ZNF568: variants seen among roughly 807,000 people sequenced by gnomAD.
The protein encoded by ZNF568 is zinc finger protein 568, also known as p53 inhibitor of SCO2 activation.
A neutral mutation model predicts 18.1 loss-of-function variants in ZNF568; 11 were observed. The observed-to-expected ratio is 0.61, with a 90% CI of 0.38 to 1.00. The LOEUF (loss-of-function observed/expected upper bound fraction) is 1.00, where lower values mean the gene tolerates loss of function less well. Among genes scored for constraint, ZNF568 ranks in the 50% least tolerant of loss-of-function variants. The pLI, the probability that ZNF568 is intolerant of heterozygous loss-of-function variation, is 0.01. For synonymous variants in ZNF568, 213 were observed against 246.6 expected, an observed-to-expected ratio of 0.86 and a Z score of 1.28; for missense variants, 639 against 768.2, an observed-to-expected ratio of 0.83 and a Z score of 1.99.
chr19:36,979,512 A>G (rs2146339682), exon 8 of ZNF568: 1 of 152,230 alleles, frequency 6.6e-6, no homozygotes, highest in African/African-American at 2.4e-5. Context: ...TCTTAACCAT[A>G]TGTGTTTATT....
intron 3 of ZNF568, among the ~76,000 whole-genome samples, chr19:36,923,755 A>T (rs932869962): frequency 6.6e-6 from 1 of 151,904 alleles, no homozygotes; most frequent in African/African-American, 2.4e-5. Context: ...ATTCGGTTTT[A>T]TGTTTTTCAG....
intron 4 of ZNF568, among the ~76,000 whole-genome samples, chr19:36,935,550 A>G (rs933848197): frequency 1.0e-4 from 13 of 124,484 alleles, no homozygotes; most frequent in East Asian, 8.1e-4. Flanking sequence ...ACAGACTGAG[A>G]CTCTGTATCA....
At chr19:36,975,436 A>T (rs545971447) in intron 7 of ZNF568, among the ~76,000 whole-genome samples, 5 of 151,034 alleles carry the variant, frequency 3.3e-5, no homozygotes, top group Non-Finnish European at 5.9e-5. Flanking sequence ...GCCAGTTAGG[A>T]GTGCAGTGGT....
At chr19:36,966,125 A>T (rs2074192638) in intron 6 of ZNF568, among the ~76,000 whole-genome samples, 1 of 152,086 alleles carries the variant, frequency 6.6e-6, no homozygotes, top group Admixed American at 6.5e-5. Flanking sequence ...TCTCTACTAA[A>T]AAATATAAAA....
At chr19:36,982,690 G>A (rs7247853), downstream of ZNF568, among the ~76,000 whole-genome samples, 6,766 of 152,166 alleles carry the variant, frequency 0.044, 211 homozygotes, top group East Asian at 0.078. Context: ...TGGGTGACAA[G>A]AGCAAAATTC....
intron 6 of ZNF568, among the ~76,000 whole-genome samples, chr19:36,969,279 A>G (rs1003224804): frequency 6.6e-6 from 1 of 152,194 alleles, no homozygotes; most frequent in African/African-American, 2.4e-5. Context: ...GACATACCCA[A>G]AGACCCCACT....
intron 6 of ZNF568, among the ~76,000 whole-genome samples, chr19:36,941,875 C>T (rs2073884289): frequency 6.6e-6 from 1 of 152,026 alleles, no homozygotes; most frequent in African/African-American, 2.4e-5. Context: ...GTGCTGTGCT[C>T]TGACCTCACA....
At chr19:36,927,897 ATATATATTTTTTTTTTTTTTTT>A (rs2073604658) in intron 4 of ZNF568, among the ~76,000 whole-genome samples, 7 of 24,722 alleles carry the variant, frequency 2.8e-4, no homozygotes, top group South Asian at 1.4e-3. Flanking sequence ...TTATATATAT[ATATATATTTTTTTTTTTTTTTT>A]TTTTTTTTTT....
intron 6 of ZNF568, among the ~76,000 whole-genome samples, chr19:36,966,226 C>T (rs368056032): frequency 6.6e-6 from 1 of 151,998 alleles, no homozygotes. Context: ...GTGGAGGTTG[C>T]GGTGAGCCGA....
At chr19:36,996,779 G>A in exon 5 of ZNF568, 6 of 1,551,528 alleles carry the variant, frequency 3.9e-6, no homozygotes, top group Middle Eastern at 1.7e-4. Context: ...ATTAATACTG[G>A]AGAGAAACCT....
In ZNF568 at chr19:36,951,044, A is replaced by G. The variant is rs1342408995; in HGVS notation, c.1891A>G (p.Ile631Val). Residue 631 changes from isoleucine to valine, a missense_variant, in exon 7 of 7, where the codon ATA (isoleucine) becomes GTA (valine). Coordinates refer to ENST00000333987, the MANE Select transcript of ZNF568 (RefSeq NM_198539.4). Reference sequence around the variant, plus strand: ...ATTCTCTCAAAGAGCATCCCTTTCTATACATAAGAGAGGTCATACAGGTGA... The same window carrying G: ...ATTCTCTCAAAGAGCATCCCTTTCTGTACATAAGAGAGGTCATACAGGTGA... ...KAFSQRASLS[I>V]HKRGHTGERH... 1.2e-6 allele frequency: 2 copies of G among 1,600,906 alleles called. No individual in the cohort carries two copies. Among genetic ancestry groups the G allele is most frequent in the African/African-American group, 1.3e-5 (1 of 74,368 alleles).
downstream of ZNF568, among the ~76,000 whole-genome samples, chr19:36,984,742 A>C (rs1323807788): frequency 2.0e-5 from 3 of 151,674 alleles, no homozygotes; most frequent in Admixed American, 2.0e-4. Context: ...TTTTACCCTC[A>C]CACTGGGATA....
At chr19:36,924,851 A>AT (rs1277471080) in intron 3 of ZNF568, among the ~76,000 whole-genome samples, 3 of 151,854 alleles carry the variant, frequency 2.0e-5, no homozygotes, top group Non-Finnish European at 4.4e-5. Context: ...AGAAAAAAAA[A>AT]TTTTAAAGAT....
intron 4 of ZNF568, among the ~76,000 whole-genome samples, chr19:36,935,559 C>CAAA (rs35289380): frequency 7.9e-6 from 1 of 127,208 alleles, no homozygotes; most frequent in African/African-American, 2.8e-5. Flanking sequence ...GACTCTGTAT[C>CAAA]AAAAAAAAAA....
chr19:36,984,178 C>T (rs914243091), downstream of ZNF568, among the ~76,000 whole-genome samples: 1 of 152,122 alleles, frequency 6.6e-6, no homozygotes, highest in Admixed American at 6.5e-5. Context: ...GGATTACAGG[C>T]ATGAGCCACC....
downstream of ZNF568, among the ~76,000 whole-genome samples, chr19:36,953,092 C>T (rs990290968): frequency 2.6e-5 from 4 of 152,136 alleles, no homozygotes; most frequent in East Asian, 3.9e-4. Flanking sequence ...TTACTAGCTC[C>T]GGGCATCATG....
At chr19:36,917,991 C>G (rs1490187909) in intron 2 of ZNF568, among the ~76,000 whole-genome samples, 1 of 152,186 alleles carries the variant, frequency 6.6e-6, no homozygotes, top group Non-Finnish European at 1.5e-5. Context: ...CTCTGTCACC[C>G]AGGCTGGAGT....
chr19:36,982,923 A>G (rs2074343632), downstream of ZNF568, among the ~76,000 whole-genome samples: 1 of 152,232 alleles, frequency 6.6e-6, no homozygotes, highest in Admixed American at 6.5e-5. Context: ...AAGACTGGCC[A>G]GTAATTTCAA....
intron 4 of ZNF568, among the ~76,000 whole-genome samples, chr19:36,927,218 T>C (rs1015934171): frequency 1.3e-5 from 2 of 152,208 alleles, no homozygotes; most frequent in Admixed American, 6.5e-5. Context: ...TATGCAACTA[T>C]TAATATTTAG....
Sources: gnomAD v4.1 joint callset for allele counts (sites outside exome capture counted in the v4.1 genomes callset) on GRCh38, gnomAD v4.1.1 for gene constraint, MANE v1.5 for transcripts, NCBI Gene and HGNC (gene_info 2026-07-23, HGNC 2026-07-21) for gene names.